REEP1: variants seen among roughly 807,000 people sequenced by gnomAD.
The protein encoded by REEP1 is receptor accessory protein 1.
REEP1 carries 22 observed loss-of-function variants against 40.3 expected under a neutral mutation model. The ratio of observed to expected loss-of-function variants is 0.55; its 90% confidence interval spans 0.39 to 0.78. The LOEUF is 0.78. REEP1 is among the 30% of genes least tolerant of loss of function. The probability of loss-of-function intolerance (pLI) is 0.00; values close to 1 mark genes in which losing one functional copy is unlikely to be tolerated. For synonymous variants in REEP1, 116 were observed against 139.2 expected (o/e 0.83, Z 1.17); for missense variants, 280 against 361.1 (o/e 0.78, Z 1.82).
chr2:86,296,292 C>G (rs1573001631), intron 1 of REEP1, among the ~76,000 whole-genome samples: 1 of 152,176 alleles, frequency 6.6e-6, no homozygotes, highest in Admixed American at 6.5e-5. Context: ...AAAAACTCTA[C>G]GAAGTAGACA....
chr2:86,264,131 C>T (rs927831074), intron 2 of REEP1, 90 bp from the exon 3 acceptor site: 28 of 917,158 alleles, frequency 3.1e-5, no homozygotes, highest in South Asian at 2.6e-4. Context: ...GCGGCAGATA[C>T]GGAGGCACGT....
At chr2:86,223,782 C>G (rs1445412887) in intron 7 of REEP1, 1 of 151,758 alleles carries the variant, frequency 6.6e-6, no homozygotes, top group Non-Finnish European at 1.5e-5. Context: ...AAAAGGATGA[C>G]TGCTTTTAAA....
At chr2:86,263,908 C>G (rs1676997369) in intron 3 of REEP1, 57 bp downstream of exon 3, 1 of 1,351,422 alleles carries the variant, frequency 7.4e-7, no homozygotes, top group Non-Finnish European at 1.1e-6. Flanking sequence ...CCACCTCCCC[C>G]TGAGTGACAC....
chr2:86,264,887 G>A (rs77762667), intron 2 of REEP1, among the ~76,000 whole-genome samples: 5,976 of 152,252 alleles, frequency 0.039, 363 homozygotes, highest in African/African-American at 0.13. Flanking sequence ...AAGTCAGTGC[G>A]GCTGAGGACA....
intron 2 of REEP1, among the ~76,000 whole-genome samples, chr2:86,266,399 C>T (rs1677134526): frequency 6.6e-6 from 1 of 151,114 alleles, no homozygotes; most frequent in African/African-American, 2.4e-5. Flanking sequence ...GCGGGTGGAT[C>T]ATGAGGTCAG....
Position 86,217,093 on chromosome 2 carries a change from A to G in REEP1, c.801T>C (p.Leu267=), listed in dbSNP as rs779049208. The change falls in exon 9 of 9, where the codon CTT becomes CTC. Residue 267 remains leucine, a synonymous_variant. Coordinates refer to ENST00000538924, the MANE Select transcript of REEP1 (RefSeq NM_001371279.1). ...TACTTTTCTTCCTGAAGCGAGATCG[A>G]AGGATTCTAGGCGGTGCCTGGTAGA... The part of the protein sequence containing the change: ...ELPLEAPPRI[L]RSRFRKKSTS... 1 of 1,613,936 alleles carries G rather than the reference A, an allele frequency of 6.2e-7. No individual in the cohort carries two copies. Among genetic ancestry groups the G allele is most frequent in the Non-Finnish European group, 8.5e-7 (1 of 1,179,954 alleles).
At chr2:86,242,712 C>T (rs1675728320) in intron 5 of REEP1, among the ~76,000 whole-genome samples, 1 of 152,096 alleles carries the variant, frequency 6.6e-6, no homozygotes, top group African/African-American at 2.4e-5. Flanking sequence ...TAAGGAGAGA[C>T]AAGACTGAAA....
rs571184067 is a variant in REEP1, at chr2:86,270,151, T to A, written c.106-6110A>T. Among the ~76,000 whole-genome samples, 4 of 150,638 alleles carry A rather than the reference T, an allele frequency of 2.7e-5. No homozygotes were observed. The South Asian group carries it at 8.6e-4, about 32-fold the overall frequency. ...GATACTTATCCTAGGAGGAAAAGGATGCGTTCAGTATCATTTTTCTTTTGT... is the reference window on the plus strand; with the variant it reads ...GATACTTATCCTAGGAGGAAAAGGAAGCGTTCAGTATCATTTTTCTTTTGT... On this transcript the variant is annotated intron_variant, in intron 2 of 8. Transcript: ENST00000538924.
chr2:86,286,087 T>G (rs1389797295), intron 1 of REEP1, among the ~76,000 whole-genome samples: 1 of 151,838 alleles, frequency 6.6e-6, no homozygotes, highest in Non-Finnish European at 1.5e-5. Flanking sequence ...AAAGGCTCCA[T>G]GGATCTGCCT....
chr2:86,247,598 G>A (rs1217539809), intron 5 of REEP1, among the ~76,000 whole-genome samples: 1 of 151,966 alleles, frequency 6.6e-6, no homozygotes, highest in Non-Finnish European at 1.5e-5. Context: ...TGTTTGTTTA[G>A]ACAGAGTCTC....
At chr2:86,324,654 GGTCA>G (rs1680420575) in intron 1 of REEP1, among the ~76,000 whole-genome samples, 1 of 152,122 alleles carries the variant, frequency 6.6e-6, no homozygotes, top group Admixed American at 6.5e-5. Context: ...GTTGGTGCAG[GGTCA>G]GTCAAAGTGA....
At chr2:86,296,669 C>A (rs899284551) in intron 1 of REEP1, among the ~76,000 whole-genome samples, 4 of 152,064 alleles carry the variant, frequency 2.6e-5, no homozygotes, top group African/African-American at 9.7e-5. Flanking sequence ...CCAGCCTGGC[C>A]AATGTGGCAA....
At chr2:86,327,044 G>A (rs904469501) in intron 1 of REEP1, among the ~76,000 whole-genome samples, 8 of 152,138 alleles carry the variant, frequency 5.3e-5, no homozygotes, top group African/African-American at 1.9e-4. Context: ...CTTGTCTGTC[G>A]AACAAGGGCA....
chr2:86,272,741 C>A (rs1574065573), intron 2 of REEP1, among the ~76,000 whole-genome samples: 1 of 152,324 alleles, frequency 6.6e-6, no homozygotes, highest in South Asian at 2.1e-4. Flanking sequence ...CAGAACACCA[C>A]CATCTCCTGT....
intron 1 of REEP1, among the ~76,000 whole-genome samples, chr2:86,302,797 C>T (rs1235142724): frequency 6.6e-6 from 1 of 152,170 alleles, no homozygotes; most frequent in Non-Finnish European, 1.5e-5. Flanking sequence ...CAAAATGTAT[C>T]TCCAGGTAAT....
intron 7 of REEP1, among the ~76,000 whole-genome samples, chr2:86,226,096 C>CCACCACCACCAT (rs1674673474): frequency 6.9e-6 from 1 of 144,772 alleles, no homozygotes; most frequent in Non-Finnish European, 1.5e-5. Context: ...ACCACCACCA[C>CCACCACCACCAT]CACCACCACC....
At chr2:86,313,171 A>G (rs1329416606) in intron 1 of REEP1, among the ~76,000 whole-genome samples, 3 of 152,076 alleles carry the variant, frequency 2.0e-5, no homozygotes, top group Admixed American at 1.3e-4. Flanking sequence ...GTGCAGTGGC[A>G]CAATCACAGC....
intron 1 of REEP1, among the ~76,000 whole-genome samples, chr2:86,302,840 T>A (rs980149896): frequency 6.6e-6 from 1 of 152,152 alleles, no homozygotes; most frequent in African/African-American, 2.4e-5. Flanking sequence ...TTCTTCTTTA[T>A]CCTTTCCTTT....
intron 5 of REEP1, among the ~76,000 whole-genome samples, chr2:86,237,680 G>A (rs535554359): frequency 4.0e-5 from 6 of 151,866 alleles, no homozygotes; most frequent in South Asian, 2.1e-4. Flanking sequence ...CCACCACCAC[G>A]CCCGGCTAAT....
Sources: gnomAD v4.1 joint callset for allele counts (sites outside exome capture counted in the v4.1 genomes callset) on GRCh38, gnomAD v4.1.1 for gene constraint, MANE v1.5 for transcripts, NCBI Gene and HGNC (gene_info 2026-07-23, HGNC 2026-07-21) for gene names.